Variants in SLC2A14 observed in about 807,000 individuals in gnomAD.
SLC2A14 encodes the protein solute carrier family 2, facilitated glucose transporter member 14.
A neutral mutation model predicts 43.0 loss-of-function variants in SLC2A14; 13 were observed. The observed-to-expected ratio is 0.30, with a 90% confidence interval of 0.20 to 0.48. The LOEUF (loss-of-function observed/expected upper bound fraction) is 0.48. SLC2A14 is among the 20% of genes least tolerant of loss of function. The probability of loss-of-function intolerance (pLI) is 0.99; values close to 1 mark genes in which losing one functional copy is unlikely to be tolerated. For missense variants in SLC2A14, 428 were observed against 620.4 expected (o/e 0.69, Z 3.29); for synonymous variants, 190 against 233.8 (o/e 0.81, Z 1.71).
intron 1 of SLC2A14, among the ~76,000 whole-genome samples, chr12:7,880,062 GGAGGCC>G (rs1259942022): frequency 2.0e-5 from 3 of 151,684 alleles, no homozygotes; most frequent in Non-Finnish European, 1.5e-5. Flanking sequence ...CAGCACTTTG[GGAGGCC>G]GAGGCGGGTG....
upstream of SLC2A14, chr12:7,891,184 A>G (rs922056456): frequency 5.3e-6 from 8 of 1,498,912 alleles, no homozygotes; most frequent in Admixed American, 6.1e-5. Flanking sequence ...GTGCAGACCC[A>G]GGAGCAGAGT....
chr12:7,823,084 T>TAA (rs961919397), intron 7 of SLC2A14, among the ~76,000 whole-genome samples: 3 of 152,140 alleles, frequency 2.0e-5, no homozygotes, highest in African/African-American at 7.2e-5. Flanking sequence ...GGCACTGCGC[T>TAA]AAAATGTAAG....
At chr12:7,857,588 C>CAAAA (rs1346807213) in intron 2 of SLC2A14, among the ~76,000 whole-genome samples, 1 of 151,870 alleles carries the variant, frequency 6.6e-6, no homozygotes, top group African/African-American at 2.4e-5. Flanking sequence ...AACTCCATCT[C>CAAAA]AAAACAAAAC....
intron 2 of SLC2A14, among the ~76,000 whole-genome samples, chr12:7,858,625 G>A (rs894550562): frequency 6.6e-5 from 10 of 151,808 alleles, no homozygotes; most frequent in Admixed American, 1.3e-4. Flanking sequence ...TCAGCCTCCC[G>A]AGTAGCTGGG....
intron 2 of SLC2A14, among the ~76,000 whole-genome samples, chr12:7,867,153 C>T (rs1264705879): frequency 6.6e-6 from 1 of 151,860 alleles, no homozygotes. Flanking sequence ...GTGGCGGGGG[C>T]CTGTAGCCCC....
Position 7,889,799 on chromosome 12 carries a change from G to C in SLC2A14, c.132+1197C>G, listed in dbSNP as rs184675678. On this transcript the variant is annotated intron_variant, in intron 1 of 9. Coordinates refer to the SLC2A14 transcript ENST00000539924. ...GATCCACCCGCCTTGGCCTCCCAAA[G>C]TGCTGGGATTACAGGCATGAGCCTG... 2.1e-3 allele frequency among the ~76,000 whole-genome samples: 323 copies of C among 152,258 alleles called. 4 individuals are homozygous for C. The highest frequency in any genetic ancestry group is 1.5e-3 in the Non-Finnish European group (103 of 68,014).
rs769265775 is a variant in SLC2A14, at chr12:7,832,855, A to G, written c.19-41T>C. 12 of 1,578,518 alleles carry G rather than the reference A, an allele frequency of 7.6e-6. No individual in the cohort carries two copies. The South Asian group carries it at 1.0e-4, about 13-fold the overall frequency. On this transcript the variant is annotated intron_variant, in intron 2 of 10. Transcript: ENST00000431042. ...ACAGGGAGGAGAGAATAGTCCTTAA[A>G]ACTTGTAATTGATGACTGTTTCTTA...
chr12:7,843,651 G>GAA (rs575345791), intron 2 of SLC2A14, among the ~76,000 whole-genome samples: 4 of 133,830 alleles, frequency 3.0e-5, no homozygotes, highest in African/African-American at 1.2e-4. Context: ...AACACGAAAC[G>GAA]AAAAAAAAAG....
At chr12:7,853,715 T>C (rs1186167636) in intron 2 of SLC2A14, among the ~76,000 whole-genome samples, 1 of 152,198 alleles carries the variant, frequency 6.6e-6, no homozygotes, top group Non-Finnish European at 1.5e-5. Flanking sequence ...TCTGGTCACG[T>C]TAGTCCTTGG....
rs113583144 is a variant in SLC2A14 at position 7,814,592 on chromosome 12, C to T, written c.1276-58G>A. 8 of 1,533,454 alleles carry T rather than the reference C, an allele frequency of 5.2e-6. No individual in the cohort carries two copies. The African/African-American group carries it at 5.5e-5, about 11-fold the overall frequency. 95.0% of individuals were successfully genotyped at this position (1,533,454 alleles called of 1,614,324 possible). On this transcript the variant is annotated intron_variant, in intron 10 of 10. Transcript: ENST00000431042. ...ATAAAAATCTGGTCATTGACAAATA[C>T]AATTTCCTTCACATTCATATTTCCA... is the stretch of plus-strand genomic sequence containing the variant.
chr12:7,815,506 G>C (rs189001792), intron 10 of SLC2A14, among the ~76,000 whole-genome samples: 1 of 152,212 alleles, frequency 6.6e-6, no homozygotes, highest in East Asian at 1.9e-4. Context: ...TGAAAATCTG[G>C]TTTATAGCCT....
chr12:7,848,594 C>A (rs112787319), intron 2 of SLC2A14, among the ~76,000 whole-genome samples: 2 of 149,754 alleles, frequency 1.3e-5, no homozygotes, highest in African/African-American at 4.9e-5. Context: ...TTGCTCTTGT[C>A]GCCCAGGCTG....
At chr12:7,886,151 C>CTTTTTTTTTTTTTTTTTTTTTTTTT (rs3044922) in intron 1 of SLC2A14, among the ~76,000 whole-genome samples, 1 of 44,696 alleles carries the variant, frequency 2.2e-5, no homozygotes, top group Non-Finnish European at 3.9e-5. Flanking sequence ...GCCCGGACAG[C>CTTTTTTTTTTTTTTTTTTTTTTTTT]TTTTTTTTTT....
At chr12:7,851,816 A>G (rs1866959808) in intron 2 of SLC2A14, among the ~76,000 whole-genome samples, 1 of 152,150 alleles carries the variant, frequency 6.6e-6, no homozygotes, top group Admixed American at 6.6e-5. Flanking sequence ...CTTTTGTCTC[A>G]TTAGCTCTTC....
chr12:7,826,890 T>C (rs1420491958), intron 7 of SLC2A14, among the ~76,000 whole-genome samples: 803 of 48,626 alleles, frequency 0.017, 306 homozygotes, highest in African/African-American at 0.024. Context: ...TCTTTCTTTC[T>C]TTCTTTCTTT....
chr12:7,867,296 A>C (rs139347747), intron 2 of SLC2A14, among the ~76,000 whole-genome samples: 2 of 127,286 alleles, frequency 1.6e-5, no homozygotes, highest in African/African-American at 5.8e-5. Flanking sequence ...AAAAAAAAAA[A>C]AAAACAAAAA....
intron 2 of SLC2A14, among the ~76,000 whole-genome samples, chr12:7,838,148 C>G (rs181108610): frequency 1.3e-5 from 2 of 151,488 alleles, no homozygotes; most frequent in African/African-American, 4.8e-5. Flanking sequence ...AGTGCAGTGC[C>G]GAGATCTTGG....
intron 2 of SLC2A14, chr12:7,839,900 C>G (rs1348988878): frequency 2.0e-5 from 8 of 400,634 alleles, no homozygotes; most frequent in African/African-American, 5.2e-5. Context: ...CCAGCCTGGG[C>G]GACACAAGGA....
intron 1 of SLC2A14, among the ~76,000 whole-genome samples, chr12:7,882,985 C>A (rs145876196): frequency 6.6e-6 from 1 of 151,662 alleles, no homozygotes; most frequent in Non-Finnish European, 1.5e-5. Flanking sequence ...CCAAGGTGGG[C>A]GGATCACAAG....
Sources: gnomAD v4.1 joint callset for allele counts (sites outside exome capture counted in the v4.1 genomes callset) on GRCh38, gnomAD v4.1.1 for gene constraint, MANE v1.5 for transcripts, NCBI Gene and HGNC (gene_info 2026-07-23, HGNC 2026-07-21) for gene names.